The following MAP3K20 variants were observed in gnomAD, a reference collection of about 807,000 sequenced individuals.
The protein encoded by MAP3K20 is HCCS-4.
In MAP3K20, 40 loss-of-function variants were observed where a neutral mutation model predicts 85.7. The observed-to-expected ratio is 0.47, with a 90% CI of 0.36 to 0.61. The LOEUF (loss-of-function observed/expected upper bound fraction) is 0.61, where lower values mean the gene tolerates loss of function less well. Among genes scored for constraint, MAP3K20 ranks in the 20% least tolerant of loss-of-function variants. The pLI, the probability that MAP3K20 is intolerant of heterozygous loss-of-function variation, is 0.00. For synonymous variants in MAP3K20, 325 were observed against 327.7 expected (o/e 0.99, Z 0.09); for missense variants, 817 against 961.7 (o/e 0.85, Z 1.99).
At chr2:173,256,562 G>A (rs1685168370) in intron 16 of MAP3K20, among the ~76,000 whole-genome samples, 1 of 150,898 alleles carries the variant, frequency 6.6e-6, no homozygotes, top group South Asian at 2.1e-4. Flanking sequence ...GAGAGAATGT[G>A]CATTTATGGT....
chr2:173,184,136 TA>T (rs1259480038), intron 4 of MAP3K20, among the ~76,000 whole-genome samples: 1 of 152,208 alleles, frequency 6.6e-6, no homozygotes, highest in African/African-American at 2.4e-5. Flanking sequence ...TTCTTAAAGA[TA>T]TTTTCATGTA....
At chr2:173,124,470 G>A (rs891337027) in intron 2 of MAP3K20, among the ~76,000 whole-genome samples, 2 of 152,128 alleles carry the variant, frequency 1.3e-5, no homozygotes, top group Non-Finnish European at 2.9e-5. Context: ...ATGATGGGGC[G>A]GTGGGGGTTG....
At chr2:173,132,624 A>G (rs1313044703) in intron 2 of MAP3K20, among the ~76,000 whole-genome samples, 3 of 152,120 alleles carry the variant, frequency 2.0e-5, no homozygotes, top group Non-Finnish European at 4.4e-5. Flanking sequence ...GCTTTTTGTA[A>G]GCTTTTCCCC....
chr2:173,120,086 A>G (rs1435480736), intron 2 of MAP3K20, among the ~76,000 whole-genome samples: 3 of 152,094 alleles, frequency 2.0e-5, no homozygotes, highest in Non-Finnish European at 4.4e-5. Context: ...AATGGTTTCA[A>G]TGTAATACAA....
intron 16 of MAP3K20, among the ~76,000 whole-genome samples, chr2:173,244,347 C>T (rs937456473): frequency 2.6e-5 from 4 of 152,128 alleles, no homozygotes; most frequent in Admixed American, 2.0e-4. Flanking sequence ...GGTTGGTGGG[C>T]AGTTGCAGAA....
chr2:173,232,213 G>A lies in MAP3K20; in HGVS notation c.1054G>A (p.Val352Ile), dbSNP rs755674436. 38 of 1,614,088 alleles carry A rather than the reference G, an allele frequency of 2.4e-5. No individual in the cohort carries two copies. The highest frequency in any genetic ancestry group is 7.7e-5 in the South Asian group (7 of 91,088). The change falls in exon 13 of 20, where the codon GTC (valine) becomes ATC (isoleucine). Residue 352 changes from valine to isoleucine, a missense_variant. Coordinates refer to ENST00000375213, the MANE Select transcript of MAP3K20 (RefSeq NM_016653.3). The part of the protein sequence containing the change: ...DDVYCWVQQL[V>I]RKGDSSAEMS... ...ACAGTATTGTTGGGTTCAGCAGCTC[G>A]TCAGAAAAGGCAAGTGGAATAAGTT...
intron 2 of MAP3K20, among the ~76,000 whole-genome samples, chr2:173,158,352 G>A (rs1263892486): frequency 6.6e-6 from 1 of 152,116 alleles, no homozygotes; most frequent in Non-Finnish European, 1.5e-5. Flanking sequence ...AAAGGGGGAG[G>A]AGAATATATA....
chr2:173,254,269 A>AC (rs1165033173), intron 16 of MAP3K20, among the ~76,000 whole-genome samples: 17 of 148,840 alleles, frequency 1.1e-4, no homozygotes, highest in East Asian at 2.0e-4. Context: ...CAAAAAAAAA[A>AC]CACAAAAAAT....
At chr2:173,085,912 C>T (rs1021652772) in intron 1 of MAP3K20, among the ~76,000 whole-genome samples, 1 of 148,826 alleles carries the variant, frequency 6.7e-6, no homozygotes, top group Non-Finnish European at 1.5e-5. Flanking sequence ...TCTCCTGCCT[C>T]AACCTCCCAG....
intron 12 of MAP3K20, among the ~76,000 whole-genome samples, chr2:173,230,677 C>T (rs926882994): frequency 6.6e-6 from 1 of 152,074 alleles, no homozygotes; most frequent in Non-Finnish European, 1.5e-5. Context: ...TTTTTAGTGA[C>T]AAAACAGGTA....
intron 2 of MAP3K20, among the ~76,000 whole-genome samples, chr2:173,147,811 T>G (rs533092817): frequency 4.6e-5 from 7 of 152,060 alleles, no homozygotes; most frequent in Non-Finnish European, 1.0e-4. Flanking sequence ...GGTCTTGATT[T>G]CTTGATCTCG....
intron 15 of MAP3K20, among the ~76,000 whole-genome samples, chr2:173,238,759 A>G (rs1336441391): frequency 6.6e-6 from 1 of 152,198 alleles, no homozygotes; most frequent in Non-Finnish European, 1.5e-5. Context: ...TAAGTCACTG[A>G]GAGAATTCAT....
Position 173,109,806 on chromosome 2 carries a change from C to T in MAP3K20, c.159+18616C>T, listed in dbSNP as rs150356583. Among the ~76,000 whole-genome samples, 377 of 152,112 alleles carry T rather than the reference C, an allele frequency of 2.5e-3. 3 individuals carry two copies. Among genetic ancestry groups the T allele is most frequent in the African/African-American group, 8.7e-3 (362 of 41,484 alleles). ...AATTTCTCACTTTTCTTGTTGAGCC[C>T]GTTTGTAGAATTCTTTCAATTCACA... On this transcript the variant is annotated intron_variant, in intron 2 of 19. Coordinates refer to ENST00000375213, the MANE Select transcript of MAP3K20 (RefSeq NM_016653.3).
rs1462071023 is a variant in MAP3K20, at chr2:173,232,377, C to T, written c.1121C>T (p.Thr374Ile). The stretch of plus-strand genomic sequence containing the variant: ...AGCTTGTTTAAAGAAAACAACATTA[C>T]AGGGAAGCGGCTGCTGCTGCTGGAG... The part of the protein sequence containing the change: ...YASLFKENNI[T>I]GKRLLLLEEE... Residue 374 changes from threonine (T) to isoleucine (I), a missense_variant, in exon 14 of 20, where the codon ACA becomes ATA. Coordinates refer to ENST00000375213, the MANE Select transcript of MAP3K20 (RefSeq NM_016653.3). The T allele has an allele frequency of 2.5e-6, 4 of 1,614,216 alleles. No homozygotes were observed. Among genetic ancestry groups the T allele is most frequent in the East Asian group, 4.5e-5 (2 of 44,894 alleles).
intron 2 of MAP3K20, among the ~76,000 whole-genome samples, chr2:173,153,242 CCT>C (rs1689357719): frequency 6.6e-6 from 1 of 152,168 alleles, no homozygotes; most frequent in Admixed American, 6.5e-5. Flanking sequence ...TCACCCCTCC[CCT>C]GTTAGGGCTT....
At chr2:173,242,592 G>C (rs77682414) in intron 16 of MAP3K20, among the ~76,000 whole-genome samples, 9,489 of 151,742 alleles carry the variant, frequency 0.063, 967 homozygotes, top group East Asian at 0.55. Flanking sequence ...TCTGTTTTTG[G>C]TAATAATGAT....
At chr2:173,217,287 G>T (rs955467751) in intron 11 of MAP3K20, 37 bp downstream of exon 11, 1 of 1,482,064 alleles carries the variant, frequency 6.7e-7, no homozygotes. Context: ...TTCCACATGC[G>T]GCTCTAGGCT....
chr2:173,180,737 T>C lies in MAP3K20; in HGVS notation c.248-2117T>C, dbSNP rs79697518. 2.4e-3 allele frequency among the ~76,000 whole-genome samples: 365 copies of C among 151,602 alleles called. 1 individual carries two copies. The highest frequency in any genetic ancestry group is 3.6e-3 in the Non-Finnish European group (246 of 67,858). On this transcript the variant is annotated intron_variant, in intron 3 of 19. Transcript: ENST00000375213. ...CCACACCTCAGACCATACATAAAAA[T>C]GAAATGAACTCAAAATGGATCATAA...
chr2:173,120,335 GA>G (rs1688245554), intron 2 of MAP3K20, among the ~76,000 whole-genome samples: 1 of 152,014 alleles, frequency 6.6e-6, no homozygotes, highest in South Asian at 2.1e-4. Flanking sequence ...ATTGTTTCAT[GA>G]ACCTCTATTC....
Sources: allele counts gnomAD v4.1 joint callset (sites outside exome capture counted in the v4.1 genomes callset), GRCh38; gene constraint gnomAD v4.1.1; transcripts MANE v1.5; gene names NCBI Gene and HGNC (gene_info 2026-07-23, HGNC 2026-07-21).